DDX31: variants seen among roughly 807,000 people sequenced by gnomAD.
DDX31 encodes the protein DEAD-box helicase 31.
DDX31 carries 70 observed loss-of-function variants against 91.3 expected under a neutral mutation model. The ratio of observed to expected loss-of-function variants is 0.77; its 90% CI spans 0.63 to 0.94. The LOEUF is 0.94. DDX31 is among the 40% of genes least tolerant of loss of function. The pLI, the probability that DDX31 is intolerant of heterozygous loss-of-function variation, is 0.00. For missense variants in DDX31, 902 were observed against 925.0 expected, an observed-to-expected ratio of 0.98 and a Z score of 0.32; for synonymous variants, 362 against 350.6, an observed-to-expected ratio of 1.03 and a Z score of -0.36.
intron 1 of DDX31, among the ~76,000 whole-genome samples, chr9:132,666,849 G>A (rs1835345249): frequency 6.6e-6 from 1 of 152,060 alleles, no homozygotes; most frequent in Admixed American, 6.6e-5. Flanking sequence ...TTGGACTATA[G>A]TCACCCACCA....
intron 16 of DDX31, among the ~76,000 whole-genome samples, chr9:132,628,684 G>A (rs373496078): frequency 6.6e-6 from 1 of 152,304 alleles, no homozygotes; most frequent in African/African-American, 2.4e-5. Context: ...TTTTTCTTAG[G>A]AAGAGGTCAT....
Position 132,645,965 on chromosome 9 carries a change from G to A in DDX31, c.1310C>T (p.Ala437Val). The A allele has an allele frequency of 2.5e-6, 4 of 1,614,050 alleles. No homozygotes were observed. The highest frequency in any genetic ancestry group is 3.4e-6 in the Non-Finnish European group (4 of 1,179,966). Reference protein sequence around the residue: ...QTLLSSSGAPASGQLPSASMR... With the variant: ...QTLLSSSGAPVSGQLPSASMR... ...GGAGGCAGATGGCAACTGCCCTGAT[G>A]CCGGCGCCCCTGAGCTGCTCAGCAG... Residue 437 changes from alanine (A) to valine (V), a missense_variant, in exon 13 of 20, where the codon GCA becomes GTA. Physicochemically the swap from Ala to Val is moderately conservative, Grantham distance 64. Transcript: ENST00000372159.
Position 132,618,323 on chromosome 9 carries a change from G to A in DDX31, c.1825+7C>T, listed in dbSNP as rs375065477. ...CCACTGCGCAAGCACCTAGGAAATC[G>A]ACTGACCTTTCTTTGCCCAGGAGAC... On this transcript the variant is annotated splice_region_variant and intron_variant, in intron 18 of 19. Transcript: ENST00000372159. 5.0e-6 allele frequency: 8 copies of A among 1,606,116 alleles called. No individual in the cohort carries two copies. The highest frequency in any genetic ancestry group is 1.1e-5 in the South Asian group (1 of 89,230).
intron 6 of DDX31, among the ~76,000 whole-genome samples, chr9:132,654,642 T>C (rs1834433247): frequency 6.9e-6 from 1 of 144,024 alleles, no homozygotes; most frequent in Admixed American, 7.0e-5. Flanking sequence ...AAAACAAAAT[T>C]CAAATAGAAA....
In DDX31 at chr9:132,612,086, C is replaced by T; in HGVS notation, c.1994+1G>A. ...CACGGGACGAATTCAGCTCATCTTACCTTTTCACGTGTGCTTTCCTCTTCT... is the reference window on the plus strand; with the variant it reads ...CACGGGACGAATTCAGCTCATCTTATCTTTTCACGTGTGCTTTCCTCTTCT... On this transcript the variant is annotated splice_donor_variant, in intron 19 of 19. Transcript: ENST00000372159. LOFTEE classifies it high-confidence loss of function. The T allele has an allele frequency of 6.2e-7, 1 of 1,613,028 alleles. No homozygotes were observed. The highest frequency in any genetic ancestry group is 8.5e-7 in the Non-Finnish European group (1 of 1,179,046).
chr9:132,599,225 G>A (rs1214339009), intron 19 of DDX31, among the ~76,000 whole-genome samples: 1 of 152,186 alleles, frequency 6.6e-6, no homozygotes, highest in African/African-American at 2.4e-5. Flanking sequence ...CCCACTTCCT[G>A]GTAAGGAAAC....
At chr9:132,609,227 C>T (rs540567112) in intron 19 of DDX31, among the ~76,000 whole-genome samples, 25 of 152,302 alleles carry the variant, frequency 1.6e-4, no homozygotes, top group East Asian at 9.7e-4. Context: ...CTCCCTGCCG[C>T]GCCAGCCAGA....
At chr9:132,617,432 G>GC (rs777716839) in intron 18 of DDX31, among the ~76,000 whole-genome samples, 18 of 152,034 alleles carry the variant, frequency 1.2e-4, no homozygotes, top group Non-Finnish European at 1.3e-4. Flanking sequence ...GCTTCACAAA[G>GC]CAAGGATTTT....
chr9:132,603,680 CA>C (rs1345502210), intron 19 of DDX31, among the ~76,000 whole-genome samples: 2 of 152,214 alleles, frequency 1.3e-5, no homozygotes, highest in African/African-American at 4.8e-5. Context: ...TGTGCTAGGC[CA>C]GCCACATCTA....
At chr9:132,599,944 A>G (rs1830642504) in intron 19 of DDX31, among the ~76,000 whole-genome samples, 1 of 152,238 alleles carries the variant, frequency 6.6e-6, no homozygotes, top group South Asian at 2.1e-4. Flanking sequence ...ATAAGTCTCT[A>G]CACTTGTGCC....
intron 14 of DDX31, among the ~76,000 whole-genome samples, chr9:132,633,214 TTA>T: frequency 6.6e-6 from 1 of 152,300 alleles, no homozygotes; most frequent in East Asian, 1.9e-4. Flanking sequence ...CAAGGCCATA[TTA>T]TATTATACCG....
chr9:132,602,944 G>C (rs1830795891), intron 19 of DDX31, among the ~76,000 whole-genome samples: 4 of 152,180 alleles, frequency 2.6e-5, no homozygotes, highest in African/African-American at 9.7e-5. Context: ...GCAGCTTCCA[G>C]ACGGGGCAGG....
chr9:132,655,497 G>A (rs1217223242), intron 6 of DDX31, among the ~76,000 whole-genome samples: 1 of 152,180 alleles, frequency 6.6e-6, no homozygotes, highest in Non-Finnish European at 1.5e-5. Flanking sequence ...GATATGCAGA[G>A]AATTTCCCCA....
At chr9:132,652,707 A>C (rs1834280992) in intron 6 of DDX31, among the ~76,000 whole-genome samples, 1 of 151,970 alleles carries the variant, frequency 6.6e-6, no homozygotes, top group South Asian at 2.1e-4. Flanking sequence ...TTGTAGGAGG[A>C]AGGGCAGGGG....
chr9:132,639,060 A>C (rs1446585947), intron 14 of DDX31, among the ~76,000 whole-genome samples: 1 of 152,064 alleles, frequency 6.6e-6, no homozygotes, highest in Non-Finnish European at 1.5e-5. Context: ...AACACCAAGG[A>C]GGCTCCTGGA....
At chr9:132,659,801 AAC>A in intron 4 of DDX31, 21 bp from the exon 5 acceptor site, 2 of 1,610,328 alleles carry the variant, frequency 1.2e-6, no homozygotes, top group East Asian at 4.5e-5. Flanking sequence ...CGAAAAAAAG[AAC>A]ACACTTTACC....
At chr9:132,619,527 C>A (rs1206824299) in intron 17 of DDX31, among the ~76,000 whole-genome samples, 1 of 152,178 alleles carries the variant, frequency 6.6e-6, no homozygotes, top group Admixed American at 6.5e-5. Context: ...AGAGGAAGAA[C>A]AAAGGGGAGG....
At chr9:132,618,877 A>G (rs1453426440) in intron 17 of DDX31, among the ~76,000 whole-genome samples, 1 of 152,210 alleles carries the variant, frequency 6.6e-6, no homozygotes, top group Admixed American at 6.5e-5. Context: ...AGCACTCCAC[A>G]GTGACCTGCC....
At chr9:132,616,859 G>A (rs1224463299) in intron 18 of DDX31, among the ~76,000 whole-genome samples, 2 of 152,170 alleles carry the variant, frequency 1.3e-5, no homozygotes, top group Admixed American at 6.6e-5. Flanking sequence ...GATTTTTAAC[G>A]ACAACCAAGA....
Sources: gnomAD v4.1 joint callset for allele counts (sites outside exome capture counted in the v4.1 genomes callset) on GRCh38, gnomAD v4.1.1 for gene constraint, MANE v1.5 for transcripts, NCBI Gene and HGNC (gene_info 2026-07-23, HGNC 2026-07-21) for gene names.